VASH1: variants seen among roughly 807,000 people sequenced by gnomAD.
VASH1 encodes tubulinyl-Tyr carboxypeptidase 1.
In VASH1, 16 loss-of-function variants were observed where a neutral mutation model predicts 35.0. That is an observed-to-expected ratio of 0.46 (90% confidence interval 0.31 to 0.70). VASH1 has a LOEUF of 0.70. Ranked by LOEUF, VASH1 falls within the 30% of genes least tolerant of loss-of-function variation. The pLI, the probability that VASH1 is intolerant of heterozygous loss-of-function variation, is 0.05. For synonymous variants in VASH1, 214 were observed against 200.9 expected (o/e 1.07, Z -0.55); for missense variants, 505 against 510.7 (o/e 0.99, Z 0.11).
chr14:76,779,421 GA>G lies in VASH1; in HGVS notation c.*406del. On this transcript the variant is annotated 3_prime_UTR_variant, in exon 7 of 7. Transcript: ENST00000167106. The stretch of plus-strand genomic sequence containing the variant: ...GGAGTTGGGTGCATCTTATCAGTGG[GA>G]AATCTCCCAGCCTTACCAGGCCTGT... The G allele has an allele frequency of 1.7e-6, 1 of 584,274 alleles. No homozygotes were observed. The allele number at this position is 584,274 out of a possible 1,614,324, so 36.2% of individuals were successfully genotyped here. A position where few individuals can be genotyped will look rare whatever the true frequency, so the allele number is the denominator to read the frequency against.
rs538677971 is a variant in VASH1, at chr14:76,771,001, A to T, written c.399-189A>T. Among the ~76,000 whole-genome samples the T allele has an allele frequency of 9.8e-5, 15 of 152,312 alleles. No individual in the cohort carries two copies. The East Asian group carries it at 2.3e-3, about 24-fold the overall frequency. ...TTGTCCTAAGAAGAGAAGCCAGGGG[A>T]GAACAAGGGAGAAAGCCAAGGAGGG... is the stretch of plus-strand genomic sequence containing the variant. On this transcript the variant is annotated intron_variant, in intron 2 of 6. Transcript: ENST00000167106.
Position 76,779,421 on chromosome 14 carries a change from G to A in VASH1, c.*403G>A, listed in dbSNP as rs1566688705. 1.7e-6 allele frequency: 1 copy of A among 584,172 alleles called. No individual in the cohort carries two copies. Among genetic ancestry groups the A allele is most frequent in the South Asian group, 1.5e-5 (1 of 65,796 alleles). 36.2% of individuals were successfully genotyped at this position (584,172 alleles called of 1,614,324 possible). ...GGAGTTGGGTGCATCTTATCAGTGG[G>A]AAATCTCCCAGCCTTACCAGGCCTG... On this transcript the variant is annotated 3_prime_UTR_variant, in exon 7 of 7. Transcript: ENST00000167106.
chr14:76,765,433 CCCT>C (rs1893617158), intron 1 of VASH1, among the ~76,000 whole-genome samples: 1 of 152,172 alleles, frequency 6.6e-6, no homozygotes, highest in Non-Finnish European at 1.5e-5. Flanking sequence ...TGCATGAGGT[CCCT>C]CCTCTACCTG....
rs1054256857 is a variant in VASH1 at position 76,779,208 on chromosome 14, T to C, written c.*190T>C. On this transcript the variant is annotated 3_prime_UTR_variant, in exon 7 of 7. Transcript: ENST00000167106. The stretch of plus-strand genomic sequence containing the variant: ...GAGCCAAGCCCCCTAACTTTGGGCC[T>C]AGAGGCCGTTAGTATTTTATTTGGA... 1.0e-5 allele frequency: 7 copies of C among 692,232 alleles called. No homozygotes were observed. Among genetic ancestry groups the C allele is most frequent in the Middle Eastern group, 2.9e-4 (1 of 3,466 alleles). 42.9% of individuals were successfully genotyped at this position (692,232 alleles called of 1,614,324 possible).
chr14:76,779,382 CT>C lies in VASH1; in HGVS notation c.*365del, dbSNP rs986381674. On this transcript the variant is annotated 3_prime_UTR_variant, in exon 7 of 7. Coordinates refer to ENST00000167106, the MANE Select transcript of VASH1 (RefSeq NM_014909.5). Reference sequence around the variant, plus strand: ...GCTGGTTCTGCTGGTGCCTCTGCCCCTGGCTTCTCTCTGGGAGTTGGGTGCA... The same window carrying C: ...GCTGGTTCTGCTGGTGCCTCTGCCCCGGCTTCTCTCTGGGAGTTGGGTGCA... 27 of 685,552 alleles carry C rather than the reference CT, an allele frequency of 3.9e-5. No homozygotes were observed. Among genetic ancestry groups the C allele is most frequent in the Admixed American group, 2.2e-4 (11 of 49,330 alleles). The allele number at this position is 685,552 out of a possible 1,614,324, so 42.5% of individuals were successfully genotyped here. A position where few individuals can be genotyped will look rare whatever the true frequency, so the allele number is the denominator to read the frequency against.
intron 6 of VASH1, among the ~76,000 whole-genome samples, chr14:76,778,594 G>C (rs1894011804): frequency 6.6e-6 from 1 of 152,186 alleles, no homozygotes; most frequent in Non-Finnish European, 1.5e-5. Flanking sequence ...GTACTAAGCA[G>C]GCCTCTGGCA....
At position 76,762,968 on chromosome 14, in the gene VASH1, G is replaced by A; in HGVS notation, c.147G>A (p.Gly49=). The A allele has an allele frequency of 6.4e-7, 1 of 1,557,478 alleles. No homozygotes were observed. Among genetic ancestry groups the A allele is most frequent in the Non-Finnish European group, 8.7e-7 (1 of 1,150,824 alleles). The change falls in exon 1 of 7, where the codon GGG becomes GGA. Residue 49 remains glycine (G), a synonymous_variant. Coordinates refer to ENST00000167106, the MANE Select transcript of VASH1 (RefSeq NM_014909.5). ...AQRDEEPEEE[G]EEDLRDGGVP... ...GAGATGAGGAGCCAGAAGAGGAAGG[G>A]GAAGAGGACCTGCGAGACGGAGGCG... is the stretch of plus-strand genomic sequence containing the variant.
chr14:76,773,137 G>A lies in VASH1; in HGVS notation c.456G>A (p.Gly152=), dbSNP rs34625541. The change falls in exon 4 of 7, where the codon GGG becomes GGA. Residue 152 remains glycine, a splice_region_variant and synonymous_variant. Coordinates refer to ENST00000167106, the MANE Select transcript of VASH1 (RefSeq NM_014909.5). ...FEIKKSRPLT[G]LMDLAKEMTK... ...ACTGACCTGCCTCCCTTTCCCACAG[G>A]CTGATGGACCTGGCCAAGGAAATGA... 8.8e-4 allele frequency: 1,427 copies of A among 1,613,820 alleles called. 11 individuals carry two copies. The African/African-American group carries it at 0.017, about 19-fold the overall frequency.
intron 1 of VASH1, chr14:76,769,385 T>A: frequency 7.8e-7 from 1 of 1,289,158 alleles, no homozygotes; most frequent in Non-Finnish European, 1.0e-6. Flanking sequence ...TTCCAAAATA[T>A]GTCCTTCTGG....
At chr14:76,763,231 C>A in intron 1 of VASH1, 101 bp downstream of exon 1, 1 of 1,205,658 alleles carries the variant, frequency 8.3e-7, no homozygotes, top group Non-Finnish European at 1.1e-6. Flanking sequence ...CAGGGGACCA[C>A]TGGCTCGGTA....
Position 76,778,019 on chromosome 14 carries a change from C to G in VASH1, c.973C>G (p.Pro325Ala), listed in dbSNP as rs866434237. 6.5e-7 allele frequency: 1 copy of G among 1,543,444 alleles called. No homozygotes were observed. Among genetic ancestry groups the G allele is most frequent in the African/African-American group, 1.4e-5 (1 of 71,894 alleles). The change falls in exon 6 of 7, where the codon CCG becomes GCG. Residue 325 changes from proline (P) to alanine (A), a missense_variant. By Grantham distance (27) the Pro-to-Ala change is conservative. Transcript: ENST00000167106. Reference protein sequence around the residue: ...TKDRKKDVSSPQRAQSSPHRR... With the variant: ...TKDRKKDVSSAQRAQSSPHRR... ...GGACCGGAAGAAGGATGTTTCTTCC[C>G]CGCAGCGGGCCCAGTCCAGCCCCCA...
chr14:76,768,932 T>G (rs1263541150), intron 1 of VASH1, among the ~76,000 whole-genome samples: 2 of 152,184 alleles, frequency 1.3e-5, no homozygotes, highest in African/African-American at 4.8e-5. Context: ...GTGGGCCTTT[T>G]CCCTGGAAGT....
intron 1 of VASH1, among the ~76,000 whole-genome samples, chr14:76,764,276 A>G (rs1488749436): frequency 6.6e-6 from 1 of 152,244 alleles, no homozygotes; most frequent in Non-Finnish European, 1.5e-5. Context: ...AGGTTTAAAT[A>G]CTGCCTAATG....
Position 76,773,171 on chromosome 14 carries a change from G to A in VASH1, c.490G>A (p.Ala164Thr). Reference sequence around the variant, plus strand: ...CCTGGCCAAGGAAATGACCAAAGAGGCCCTGCCAATCAAATGCCTGGAAGC... The same window carrying A: ...CCTGGCCAAGGAAATGACCAAAGAGACCCTGCCAATCAAATGCCTGGAAGC... ...MDLAKEMTKE[A>T]LPIKCLEAVI... The change falls in exon 4 of 7, where the codon GCC (alanine) becomes ACC (threonine). Residue 164 changes from alanine (A) to threonine (T), a missense_variant. Physicochemically the swap from Ala to Thr is moderately conservative, Grantham distance 58 (BLOSUM62 0). Transcript: ENST00000167106. 2 of 1,614,044 alleles carry A rather than the reference G, an allele frequency of 1.2e-6. No homozygotes were observed. The highest frequency in any genetic ancestry group is 2.2e-5 in the East Asian group (1 of 44,864).
intron 1 of VASH1, chr14:76,769,226 G>A (rs1893725059): frequency 5.7e-6 from 7 of 1,233,312 alleles, no homozygotes; most frequent in Non-Finnish European, 6.3e-6. Flanking sequence ...TCTGGGCTGG[G>A]TGCTGGAAAG....
chr14:76,778,197 G>A (rs1480075102), intron 6 of VASH1, 126 bp downstream of exon 6: 5 of 673,236 alleles, frequency 7.4e-6, no homozygotes, highest in African/African-American at 1.9e-5. Context: ...ACCCAAGGGA[G>A]GTGACTTGGG....
chr14:76,772,310 G>A (rs971336838), intron 3 of VASH1, among the ~76,000 whole-genome samples: 1 of 152,202 alleles, frequency 6.6e-6, no homozygotes, highest in Non-Finnish European at 1.5e-5. Context: ...CATAATCTAT[G>A]TTTGCTTCTT....
rs1894049932 is a variant in VASH1 at position 76,779,667 on chromosome 14, G to C, written c.*649G>C. The C allele has an allele frequency of 3.3e-6, 2 of 602,882 alleles. No homozygotes were observed. Among genetic ancestry groups the C allele is most frequent in the Non-Finnish European group, 5.9e-6 (2 of 338,472 alleles). The allele number at this position is 602,882 out of a possible 1,614,324, so 37.3% of individuals were successfully genotyped here. On this transcript the variant is annotated 3_prime_UTR_variant, in exon 7 of 7. Transcript: ENST00000167106. ...GAGGCCCCCATGGGCAGTGCTGTGTGGGCAGAGGAGGGGTGATATGAGAGC... is the reference window on the plus strand; with the variant it reads ...GAGGCCCCCATGGGCAGTGCTGTGTCGGCAGAGGAGGGGTGATATGAGAGC...
At chr14:76,769,418 T>G in intron 1 of VASH1, 1 of 1,289,152 alleles carries the variant, frequency 7.8e-7, no homozygotes, top group South Asian at 1.2e-5. Context: ...GACTGACTCC[T>G]TGACAGTTCA....
Sources: gnomAD v4.1 joint callset for allele counts (sites outside exome capture counted in the v4.1 genomes callset) on GRCh38, gnomAD v4.1.1 for gene constraint, MANE v1.5 for transcripts, NCBI Gene and HGNC (gene_info 2026-07-23, HGNC 2026-07-21) for gene names.